Variants in MYO1E observed in about 807,000 individuals in gnomAD.
The protein encoded by MYO1E is unconventional myosin-Ie.
In MYO1E, 68 loss-of-function variants were observed where a neutral mutation model predicts 151.1. That is an observed-to-expected ratio of 0.45 (90% confidence interval 0.37 to 0.55). MYO1E has a LOEUF of 0.55. Among genes scored for constraint, MYO1E ranks in the 20% least tolerant of loss-of-function variants. The pLI is 0.00. For synonymous variants in MYO1E, 601 were observed against 501.7 expected, an observed-to-expected ratio of 1.20 and a Z score of -2.64; for missense variants, 1,363 against 1,389.3, an observed-to-expected ratio of 0.98 and a Z score of 0.30.
chr15:59,152,022 T>C (rs1566965223), intron 26 of MYO1E, among the ~76,000 whole-genome samples: 1 of 151,270 alleles, frequency 6.6e-6, no homozygotes, highest in Non-Finnish European at 1.5e-5. Flanking sequence ...GAGCCGAGAT[T>C]GTGGCACTGC....
chr15:59,354,832 A>G (rs1209015859), intron 1 of MYO1E, among the ~76,000 whole-genome samples: 1 of 152,116 alleles, frequency 6.6e-6, no homozygotes, highest in African/African-American at 2.4e-5. Context: ...AAACAGGTAG[A>G]AACCTTCCCA....
At chr15:59,263,949 C>T (rs1470654317) in intron 2 of MYO1E, among the ~76,000 whole-genome samples, 1 of 152,010 alleles carries the variant, frequency 6.6e-6, no homozygotes, top group African/African-American at 2.4e-5. Flanking sequence ...TCCATGATGC[C>T]GTAGCCAAGA....
chr15:59,312,267 CA>C (rs1366572003), intron 1 of MYO1E, among the ~76,000 whole-genome samples: 1 of 152,068 alleles, frequency 6.6e-6, no homozygotes, highest in Non-Finnish European at 1.5e-5. Flanking sequence ...TACAAGGCAA[CA>C]AAAGAAATTT....
rs558192881 is a variant in MYO1E at position 59,334,743 on chromosome 15, A to G, written c.3+37755T>C. On this transcript the variant is annotated intron_variant, in intron 1 of 27. Coordinates refer to ENST00000288235, the MANE Select transcript of MYO1E (RefSeq NM_004998.4). ...AGGGCTTTCTTTCGCAGGCCCTTCC[A>G]GTCACAATGCTGGGTCTTTGGGTTC... Among the ~76,000 whole-genome samples, 5 of 152,360 alleles carry G rather than the reference A, an allele frequency of 3.3e-5. No homozygotes were observed. In the South Asian group the frequency reaches 1.0e-3, roughly 32 times the overall value.
intron 3 of MYO1E, among the ~76,000 whole-genome samples, chr15:59,259,657 GGCAGTGGGGGAA>G (rs1324157230): frequency 6.6e-6 from 1 of 152,198 alleles, no homozygotes; most frequent in African/African-American, 2.4e-5. Context: ...GCAAGCTATG[GGCAGTGGGGGAA>G]AGTCATTGCC....
chr15:59,235,073 G>C (rs954488340), intron 5 of MYO1E, among the ~76,000 whole-genome samples: 64 of 151,940 alleles, frequency 4.2e-4, no homozygotes, highest in African/African-American at 1.5e-3. Context: ...TGCCAATGCT[G>C]ATTTTAATTT....
chr15:59,177,116 C>G (rs1359194757), intron 19 of MYO1E, among the ~76,000 whole-genome samples: 1 of 152,116 alleles, frequency 6.6e-6, no homozygotes, highest in Non-Finnish European at 1.5e-5. Flanking sequence ...TCACTCCATC[C>G]CATTTTAGAA....
chr15:59,230,224 T>TGTG (rs1555412948), intron 6 of MYO1E, among the ~76,000 whole-genome samples: 38,549 of 126,822 alleles, frequency 0.3, 6,068 homozygotes, highest in Admixed American at 0.41. Context: ...CAGTGTGTGT[T>TGTG]TGTGTGTGTG....
At chr15:59,277,138 T>G (rs1596396821) in intron 1 of MYO1E, among the ~76,000 whole-genome samples, 1 of 152,196 alleles carries the variant, frequency 6.6e-6, no homozygotes, top group East Asian at 1.9e-4. Context: ...CCATCAATAC[T>G]CTTACAAACT....
intron 1 of MYO1E, among the ~76,000 whole-genome samples, chr15:59,299,625 A>G (rs2080470623): frequency 6.6e-6 from 1 of 152,226 alleles, no homozygotes; most frequent in East Asian, 1.9e-4. Context: ...ATCCTGAGTG[A>G]GCTATGAAGA....
chr15:59,163,401 G>T, intron 22 of MYO1E, 98 bp from the exon 23 acceptor site: 1 of 1,251,150 alleles, frequency 8.0e-7, no homozygotes, highest in Non-Finnish European at 1.1e-6. Flanking sequence ...GCAAGATAGT[G>T]CTAAGATTTT....
intron 5 of MYO1E, among the ~76,000 whole-genome samples, chr15:59,233,175 A>C (rs1178766962): frequency 2.0e-5 from 3 of 152,184 alleles, no homozygotes; most frequent in African/African-American, 7.2e-5. Flanking sequence ...TCTCTCAGGA[A>C]GAGAACAAAA....
chr15:59,270,542 T>TAAAAA (rs777284445), intron 2 of MYO1E, among the ~76,000 whole-genome samples: 1 of 104,858 alleles, frequency 9.5e-6, no homozygotes, highest in African/African-American at 3.6e-5. Context: ...GACCCTGTCT[T>TAAAAA]AAAAAAAAAA....
intron 6 of MYO1E, among the ~76,000 whole-genome samples, chr15:59,230,083 C>T (rs2080017304): frequency 6.6e-6 from 1 of 152,172 alleles, no homozygotes; most frequent in Non-Finnish European, 1.5e-5. Context: ...TGTCAGTTCT[C>T]AACCAATAGC....
At chr15:59,318,429 T>C (rs1395983297) in intron 1 of MYO1E, among the ~76,000 whole-genome samples, 1 of 152,102 alleles carries the variant, frequency 6.6e-6, no homozygotes, top group African/African-American at 2.4e-5. Flanking sequence ...ACAAACTAGG[T>C]AGTGGTTTTT....
chr15:59,270,520 G>GT (rs1421584640), intron 2 of MYO1E, among the ~76,000 whole-genome samples: 1 of 148,240 alleles, frequency 6.7e-6, no homozygotes, highest in African/African-American at 2.5e-5. Context: ...TCCAGCCTGG[G>GT]TGACAGAGGG....
At chr15:59,339,991 G>A (rs1003798537) in intron 1 of MYO1E, among the ~76,000 whole-genome samples, 2 of 151,956 alleles carry the variant, frequency 1.3e-5, no homozygotes, top group Non-Finnish European at 2.9e-5. Context: ...GGGATTACAG[G>A]TGTCCGCTAC....
chr15:59,343,963 C>T (rs540315188), intron 1 of MYO1E, among the ~76,000 whole-genome samples: 4 of 152,288 alleles, frequency 2.6e-5, no homozygotes, highest in South Asian at 2.1e-4. Context: ...ATTTTAAGCT[C>T]TCTTTCTGAA....
rs779807373 is a variant in MYO1E at position 59,161,188 on chromosome 15, A to T, written c.2670T>A (p.Ser890Arg). ...ACTGCACTTGCCGGGAGCCCCCTGCACTCCAGGGGCCCCAGTTTTCCTTTT... is the reference window on the plus strand; with the variant it reads ...ACTGCACTTGCCGGGAGCCCCCTGCTCTCCAGGGGCCCCAGTTTTCCTTTT... Reference protein sequence around the residue: ...KLKKENWGPWSAGGSRQVQFH... With the variant: ...KLKKENWGPWRAGGSRQVQFH... Residue 890 changes from serine (S) to arginine (R), a missense_variant, in exon 24 of 28, where the codon AGT becomes AGA. Ser to Arg is a moderately radical substitution (Grantham distance 110). Transcript: ENST00000288235. The T allele has an allele frequency of 5.6e-6, 9 of 1,613,814 alleles. No homozygotes were observed. Among genetic ancestry groups the T allele is most frequent in the South Asian group, 1.1e-5 (1 of 91,074 alleles).
Sources: gnomAD v4.1 joint callset for allele counts (sites outside exome capture counted in the v4.1 genomes callset) on GRCh38, gnomAD v4.1.1 for gene constraint, MANE v1.5 for transcripts, NCBI Gene and HGNC (gene_info 2026-07-23, HGNC 2026-07-21) for gene names.